SEMA3A: variants seen among roughly 807,000 people sequenced by gnomAD.
SEMA3A encodes semaphorin-3A.
A neutral mutation model predicts 97.9 loss-of-function variants in SEMA3A; 29 were observed. The ratio of observed to expected loss-of-function variants is 0.30; its 90% CI spans 0.22 to 0.40. The LOEUF is 0.40. SEMA3A is among the 10% of genes least tolerant of loss of function. The pLI, the probability that SEMA3A is intolerant of heterozygous loss-of-function variation, is 1.00. For missense variants in SEMA3A, 763 were observed against 951.3 expected, an observed-to-expected ratio of 0.80 and a Z score of 2.60; for synonymous variants, 321 against 323.7, an observed-to-expected ratio of 0.99 and a Z score of 0.09.
At chr7:84,013,556 T>C (rs904908519) in intron 7 of SEMA3A, among the ~76,000 whole-genome samples, 4 of 149,164 alleles carry the variant, frequency 2.7e-5, no homozygotes, top group African/African-American at 1.0e-4. Context: ...CAAATATTTA[T>C]TCAAAACTTG....
chr7:84,224,961 CT>C (rs796455640), intron 3 of SEMA3A, among the ~76,000 whole-genome samples: 6 of 152,084 alleles, frequency 3.9e-5, no homozygotes, highest in East Asian at 1.9e-4. Flanking sequence ...ATAGCCCCCC[CT>C]AGTATATGTA....
intron 5 of SEMA3A, among the ~76,000 whole-genome samples, chr7:84,049,201 C>A (rs975466644): frequency 9.2e-5 from 14 of 152,018 alleles, no homozygotes; most frequent in Non-Finnish European, 2.1e-4. Flanking sequence ...GAAATTACCT[C>A]CCACATGAAT....
At chr7:84,098,186 A>T (rs1288169900) in intron 4 of SEMA3A, among the ~76,000 whole-genome samples, 1 of 152,202 alleles carries the variant, frequency 6.6e-6, no homozygotes, top group African/African-American at 2.4e-5. Context: ...AAAATATTAC[A>T]TGATCATAAT....
chr7:84,268,277 G>A (rs1325744718), intron 3 of SEMA3A, among the ~76,000 whole-genome samples: 4 of 151,514 alleles, frequency 2.6e-5, no homozygotes, highest in South Asian at 2.1e-4. Flanking sequence ...GTGTGTGTGT[G>A]TGTGTGTGTG....
At chr7:84,129,282 A>G in intron 2 of SEMA3A, 97 bp from the exon 3 acceptor site, 1 of 983,932 alleles carries the variant, frequency 1.0e-6, no homozygotes, top group Non-Finnish European at 1.6e-6. Context: ...CAACTGAAGT[A>G]AAGAAAGTTC....
chr7:84,380,213 A>C (rs1803221944), intron 1 of SEMA3A, among the ~76,000 whole-genome samples: 1 of 152,214 alleles, frequency 6.6e-6, no homozygotes, highest in Non-Finnish European at 1.5e-5. Flanking sequence ...TCCTGGATTC[A>C]AGAAAAGAGA....
At chr7:84,050,585 G>C (rs1467158615) in intron 5 of SEMA3A, among the ~76,000 whole-genome samples, 1 of 151,974 alleles carries the variant, frequency 6.6e-6, no homozygotes, top group Non-Finnish European at 1.5e-5. Flanking sequence ...ATTTGTTTGA[G>C]TTCATTGTAG....
intron 1 of SEMA3A, among the ~76,000 whole-genome samples, chr7:84,489,836 T>A (rs1010749739): frequency 5.3e-5 from 8 of 152,112 alleles, no homozygotes; most frequent in Admixed American, 3.3e-4. Context: ...AGTGTTGATA[T>A]GTGGTTAAAA....
intron 1 of SEMA3A, among the ~76,000 whole-genome samples, chr7:84,190,843 A>G (rs1364340742): frequency 6.6e-6 from 1 of 150,544 alleles, no homozygotes; most frequent in Non-Finnish European, 1.5e-5. Context: ...GGTTATTTTC[A>G]CAATTATAAA....
At chr7:84,488,676 C>T (rs1379721180) in intron 1 of SEMA3A, among the ~76,000 whole-genome samples, 2 of 152,108 alleles carry the variant, frequency 1.3e-5, no homozygotes, top group Non-Finnish European at 2.9e-5. Context: ...AGGGTCAGCT[C>T]TTCCTCACAT....
intron 9 of SEMA3A, among the ~76,000 whole-genome samples, chr7:84,009,690 A>G (rs990005473): frequency 1.3e-5 from 2 of 152,072 alleles, no homozygotes; most frequent in Non-Finnish European, 2.9e-5. Flanking sequence ...CTAGAGGGAA[A>G]TAATCTCTGC....
intron 3 of SEMA3A, among the ~76,000 whole-genome samples, chr7:84,275,872 A>G (rs188759707): frequency 2.0e-5 from 3 of 152,224 alleles, no homozygotes; most frequent in African/African-American, 7.2e-5. Context: ...TATTTTTATG[A>G]TATATAAATG....
chr7:84,390,922 A>C (rs185114910), intron 1 of SEMA3A, among the ~76,000 whole-genome samples: 54 of 152,310 alleles, frequency 3.5e-4, no homozygotes, highest in African/African-American at 1.2e-3. Flanking sequence ...AGAGAATCAT[A>C]AAGTTAGACC....
chr7:84,039,327 A>G (rs1222896274), intron 6 of SEMA3A, among the ~76,000 whole-genome samples: 1 of 152,182 alleles, frequency 6.6e-6, no homozygotes, highest in Non-Finnish European at 1.5e-5. Flanking sequence ...GACCTGGGAT[A>G]TAAACTGAGG....
At chr7:84,335,368 C>T (rs911601680) in intron 2 of SEMA3A, among the ~76,000 whole-genome samples, 1 of 151,922 alleles carries the variant, frequency 6.6e-6, no homozygotes, top group African/African-American at 2.4e-5. Flanking sequence ...AAGGGTTATT[C>T]CCTGATAAAA....
chr7:84,097,669 A>C (rs183040650), intron 4 of SEMA3A, among the ~76,000 whole-genome samples: 12 of 152,270 alleles, frequency 7.9e-5, no homozygotes, highest in Non-Finnish European at 1.6e-4. Flanking sequence ...GATTTCTGAT[A>C]ATTTGAAATA....
At chr7:84,401,770 C>T (rs1256201425) in intron 1 of SEMA3A, among the ~76,000 whole-genome samples, 1 of 152,102 alleles carries the variant, frequency 6.6e-6, no homozygotes, top group African/African-American at 2.4e-5. Flanking sequence ...TGGAGAGTGT[C>T]TGTAATCAAT....
At chr7:84,028,381 G>C (rs1274279601) in intron 6 of SEMA3A, among the ~76,000 whole-genome samples, 3 of 152,016 alleles carry the variant, frequency 2.0e-5, no homozygotes, top group African/African-American at 7.2e-5. Flanking sequence ...AATTATAATG[G>C]GTGATAAATG....
At chr7:84,374,244 CCATT>C (rs1803045785) in intron 1 of SEMA3A, among the ~76,000 whole-genome samples, 2 of 152,178 alleles carry the variant, frequency 1.3e-5, no homozygotes, top group Non-Finnish European at 2.9e-5. Flanking sequence ...CCCAACAATT[CCATT>C]CAAAGAATTC....
Sources: gnomAD v4.1 joint callset for allele counts (sites outside exome capture counted in the v4.1 genomes callset) on GRCh38, gnomAD v4.1.1 for gene constraint, MANE v1.5 for transcripts, NCBI Gene and HGNC (gene_info 2026-07-23, HGNC 2026-07-21) for gene names.